The following FHIT variants were observed in gnomAD, a reference collection of about 807,000 sequenced individuals.
The protein encoded by FHIT is bis(5'-adenosyl)-triphosphatase.
In FHIT, 19 loss-of-function variants were observed where a neutral mutation model predicts 17.9. The observed-to-expected ratio is 1.06, with a 90% CI of 0.74 to 1.56. The LOEUF (loss-of-function observed/expected upper bound fraction) is 1.56. Ranked by LOEUF, FHIT falls within the 40% of genes most tolerant of loss-of-function variation. FHIT has a pLI of 0.00. For missense variants in FHIT, 248 were observed against 189.2 expected, an observed-to-expected ratio of 1.31 and a Z score of -1.82; for synonymous variants, 81 against 69.7, an observed-to-expected ratio of 1.16 and a Z score of -0.81.
intron 7 of FHIT, among the ~76,000 whole-genome samples, chr3:59,932,109 C>T (rs1273472700): frequency 6.6e-6 from 1 of 152,116 alleles, no homozygotes; most frequent in Non-Finnish European, 1.5e-5. Flanking sequence ...TTCAATTCCT[C>T]CTCCATGAGC....
intron 5 of FHIT, among the ~76,000 whole-genome samples, chr3:60,356,245 G>C (rs1401079296): frequency 6.6e-6 from 1 of 152,176 alleles, no homozygotes; most frequent in African/African-American, 2.4e-5. Context: ...AGAGCCTTCT[G>C]AAACAGTTTC....
intron 7 of FHIT, among the ~76,000 whole-genome samples, chr3:59,969,647 G>A (rs754100324): frequency 2.6e-5 from 4 of 152,026 alleles, no homozygotes; most frequent in South Asian, 2.1e-4. Context: ...CTTCATTTGC[G>A]TACTTGCGTG....
chr3:59,941,360 T>C (rs1180280791), intron 7 of FHIT, among the ~76,000 whole-genome samples: 1 of 152,182 alleles, frequency 6.6e-6, no homozygotes, highest in African/African-American at 2.4e-5. Context: ...ACAGTTGGAA[T>C]ATAAATGCCT....
rs193189301 is a variant in FHIT, at chr3:60,593,558, A to C, written c.-17-56579T>G. On this transcript the variant is annotated intron_variant, in intron 4 of 9. Coordinates refer to ENST00000492590, the MANE Select transcript of FHIT (RefSeq NM_002012.4). ...ACTTTCAACTTTTGCTGCTCAATGCAAATAATAACTAGCTTAATGATTTAG... is the reference window on the plus strand; with the variant it reads ...ACTTTCAACTTTTGCTGCTCAATGCCAATAATAACTAGCTTAATGATTTAG... Among the ~76,000 whole-genome samples the C allele has an allele frequency of 6.6e-5, 10 of 152,264 alleles. No homozygotes were observed. The East Asian group carries it at 1.9e-3, about 29-fold the overall frequency.
At chr3:60,560,726 TTAC>T (rs2036906696) in intron 4 of FHIT, among the ~76,000 whole-genome samples, 1 of 151,394 alleles carries the variant, frequency 6.6e-6, no homozygotes, top group Non-Finnish European at 1.5e-5. Context: ...AGCCGGTCCT[TTAC>T]TTTTAGGTGA....
chr3:60,141,026 T>C (rs1700019107), intron 5 of FHIT, among the ~76,000 whole-genome samples: 1 of 152,148 alleles, frequency 6.6e-6, no homozygotes, highest in African/African-American at 2.4e-5. Context: ...GTTTTAAGTT[T>C]ACCATACATA....
intron 5 of FHIT, among the ~76,000 whole-genome samples, chr3:60,129,611 C>A (rs1576165343): frequency 6.6e-6 from 1 of 152,148 alleles, no homozygotes; most frequent in African/African-American, 2.4e-5. Context: ...ACGTAAAGTC[C>A]TAGGAGATGC....
At chr3:60,464,153 G>T (rs1156493756) in intron 5 of FHIT, among the ~76,000 whole-genome samples, 1 of 152,092 alleles carries the variant, frequency 6.6e-6, no homozygotes, top group Non-Finnish European at 1.5e-5. Context: ...CTTGTCTCTT[G>T]CTCAAAAGGC....
chr3:59,854,132 G>C (rs1383822394), intron 8 of FHIT, among the ~76,000 whole-genome samples: 1 of 152,172 alleles, frequency 6.6e-6, no homozygotes, highest in Non-Finnish European at 1.5e-5. Context: ...GCATTGATTG[G>C]TATCAAAAGT....
intron 3 of FHIT, among the ~76,000 whole-genome samples, chr3:60,980,023 G>A (rs183708627): frequency 1.3e-5 from 2 of 152,346 alleles, no homozygotes; most frequent in Admixed American, 6.5e-5. Context: ...CTGTGGCTGA[G>A]CTATGCTGAC....
chr3:60,482,723 G>C (rs1004005272), intron 5 of FHIT, among the ~76,000 whole-genome samples: 5 of 152,000 alleles, frequency 3.3e-5, no homozygotes, highest in African/African-American at 1.2e-4. Flanking sequence ...ACATCAGAAA[G>C]CTAGAAAGAT....
chr3:60,234,094 C>T (rs567762800), intron 5 of FHIT, among the ~76,000 whole-genome samples: 1 of 152,322 alleles, frequency 6.6e-6, no homozygotes, highest in African/African-American at 2.4e-5. Context: ...GTCCAGTTCA[C>T]TTGCATGCTT....
rs1708921260 is a variant in FHIT at position 60,952,232 on chromosome 3, T to C, written c.-111+89815A>G. ...ATCTATCTATACCACACCGAATCAG[T>C]CGATCAATCCACTGACCACAGATTG... On this transcript the variant is annotated intron_variant, in intron 3 of 9. Transcript: ENST00000492590. 2.0e-5 allele frequency among the ~76,000 whole-genome samples: 3 copies of C among 146,482 alleles called. 1 individual carries two copies. The South Asian group carries it at 6.5e-4, about 32-fold the overall frequency.
chr3:60,613,412 AG>A (rs1553674463), intron 4 of FHIT, among the ~76,000 whole-genome samples: 2 of 152,198 alleles, frequency 1.3e-5, no homozygotes. Flanking sequence ...GGTAGACAAA[AG>A]GATCTAAAGA....
intron 2 of FHIT, among the ~76,000 whole-genome samples, chr3:61,108,656 G>A (rs2036062732): frequency 6.6e-6 from 1 of 152,122 alleles, no homozygotes; most frequent in African/African-American, 2.4e-5. Flanking sequence ...TTGGGCCAGT[G>A]GTCTCCCTGT....
chr3:61,101,708 T>C (rs1419209597), intron 2 of FHIT, among the ~76,000 whole-genome samples: 1 of 152,222 alleles, frequency 6.6e-6, no homozygotes, highest in Admixed American at 6.5e-5. Context: ...CTTCCATTTG[T>C]TTGTGTCCTC....
At chr3:59,904,273 T>C (rs1704479164) in intron 8 of FHIT, among the ~76,000 whole-genome samples, 1 of 141,694 alleles carries the variant, frequency 7.1e-6, no homozygotes, top group East Asian at 2.0e-4. Context: ...AATAAGGAAT[T>C]AAGCACAAAC....
intron 5 of FHIT, among the ~76,000 whole-genome samples, chr3:60,319,649 A>T (rs1009487348): frequency 2.0e-5 from 3 of 152,206 alleles, no homozygotes; most frequent in Non-Finnish European, 2.9e-5. Flanking sequence ...GTCCGTGACC[A>T]GAACAGCAAA....
intron 3 of FHIT, among the ~76,000 whole-genome samples, chr3:61,021,344 A>G (rs1023658526): frequency 3.9e-5 from 6 of 152,010 alleles, no homozygotes; most frequent in Non-Finnish European, 5.9e-5. Flanking sequence ...TCACGCCTGT[A>G]ATCCCAGCAC....
Sources: gnomAD v4.1 joint callset for allele counts (sites outside exome capture counted in the v4.1 genomes callset) on GRCh38, gnomAD v4.1.1 for gene constraint, MANE v1.5 for transcripts, NCBI Gene and HGNC (gene_info 2026-07-23, HGNC 2026-07-21) for gene names.